Variants in RGS10 observed in about 807,000 individuals in gnomAD.
The protein encoded by RGS10 is regulator of G-protein signalling 10.
A neutral mutation model predicts 23.5 loss-of-function variants in RGS10; 11 were observed. That is an observed-to-expected ratio of 0.47 (90% confidence interval 0.29 to 0.77). RGS10 has a LOEUF of 0.77. RGS10 is among the 30% of genes least tolerant of loss of function. The pLI is 0.08. For missense variants in RGS10, 180 were observed against 226.3 expected (o/e 0.80, Z 1.31); for synonymous variants, 77 against 83.2 (o/e 0.92, Z 0.41).
chr10:119,526,862 T>A (rs1243266955), intron 2 of RGS10, among the ~76,000 whole-genome samples: 1 of 151,954 alleles, frequency 6.6e-6, no homozygotes, highest in African/African-American at 2.4e-5. Context: ...GGATCAACAG[T>A]TCCCCATCCA....
intron 4 of RGS10, among the ~76,000 whole-genome samples, chr10:119,509,567 G>T (rs1844053742): frequency 6.6e-6 from 1 of 152,110 alleles, no homozygotes; most frequent in Non-Finnish European, 1.5e-5. Context: ...CTCCAGCCTG[G>T]GTGACAGAGT....
At chr10:119,501,790 C>CA (rs1366238187) in intron 4 of RGS10, among the ~76,000 whole-genome samples, 5 of 152,094 alleles carry the variant, frequency 3.3e-5, no homozygotes, top group Non-Finnish European at 1.5e-5. Context: ...GGACTCAGAA[C>CA]ATCTGCTTGG....
At chr10:119,508,979 T>C (rs1192834137) in intron 4 of RGS10, among the ~76,000 whole-genome samples, 2 of 151,998 alleles carry the variant, frequency 1.3e-5, no homozygotes, top group African/African-American at 4.8e-5. Context: ...CACATGCCTA[T>C]AGTCCCAGCT....
At chr10:119,509,964 G>A (rs1160945069) in intron 4 of RGS10, among the ~76,000 whole-genome samples, 4 of 144,782 alleles carry the variant, frequency 2.8e-5, no homozygotes. Flanking sequence ...GGGAAGGGGG[G>A]AGAGGGGAGG....
intron 1 of RGS10, among the ~76,000 whole-genome samples, chr10:119,532,754 T>C (rs1844344274): frequency 1.3e-5 from 2 of 151,990 alleles, no homozygotes; most frequent in Admixed American, 1.3e-4. Flanking sequence ...GGCAGGAGAA[T>C]TACTTGAACC....
rs1049254673 is a variant in RGS10 at position 119,517,838 on chromosome 10, T to C, written c.256-2186A>G. ...GTAGGTTCCAGTGACTGCAGGTATATAAGCTTTGAGGGTCTCAGCCCTGCC... is the reference window on the plus strand; with the variant it reads ...GTAGGTTCCAGTGACTGCAGGTATACAAGCTTTGAGGGTCTCAGCCCTGCC... On this transcript the variant is annotated intron_variant, in intron 3 of 4. Transcript: ENST00000369103. This position sits in a 1 kb window ranked among gnomAD's most constrained non-coding sequence, Gnocchi z 5.0. Among the ~76,000 whole-genome samples the C allele has an allele frequency of 6.6e-6, 1 of 152,218 alleles. No homozygotes were observed. Among genetic ancestry groups the C allele is most frequent in the Non-Finnish European group, 1.5e-5 (1 of 68,046 alleles).
chr10:119,525,797 A>G (rs1421173080), intron 3 of RGS10, among the ~76,000 whole-genome samples: 1 of 152,258 alleles, frequency 6.6e-6, no homozygotes, highest in African/African-American at 2.4e-5. Flanking sequence ...TCTAAGTGAC[A>G]TAAATTGTTA....
chr10:119,538,481 G>GA lies in RGS10; in HGVS notation c.49+4108dup, dbSNP rs1844409458. On this transcript the variant is annotated intron_variant, in intron 1 of 4. Transcript: ENST00000369103. The surrounding 1 kb of genome is among the most constrained non-coding windows in gnomAD (Gnocchi z 4.5). Reference sequence around the variant, plus strand: ...TGGAGCAGGGGGACCCAGGCTTTGGGACAGGACAAAGGACAGCTGGGGGAG... The same window carrying GA: ...TGGAGCAGGGGGACCCAGGCTTTGGGAACAGGACAAAGGACAGCTGGGGGAG... Among the ~76,000 whole-genome samples, 1 of 152,182 alleles carries GA rather than the reference G, an allele frequency of 6.6e-6. No individual in the cohort carries two copies. Among genetic ancestry groups the GA allele is most frequent in the Admixed American group, 6.6e-5 (1 of 15,266 alleles).
At chr10:119,541,171 T>G (rs1844431920) in intron 1 of RGS10, among the ~76,000 whole-genome samples, 1 of 151,950 alleles carries the variant, frequency 6.6e-6, no homozygotes, top group African/African-American at 2.4e-5. Context: ...AATGACAGAG[T>G]CAAGGTTAGA....
chr10:119,502,210 G>A (rs1363692573), intron 4 of RGS10, among the ~76,000 whole-genome samples: 2 of 151,938 alleles, frequency 1.3e-5, no homozygotes, highest in Admixed American at 1.3e-4. Context: ...GATGAGAAAC[G>A]CCATTACTCC....
chr10:119,511,914 T>C (rs960901901), intron 4 of RGS10, among the ~76,000 whole-genome samples: 2 of 152,126 alleles, frequency 1.3e-5, no homozygotes, highest in African/African-American at 4.8e-5. Context: ...ACTTCAAATC[T>C]GCTATGAATG....
At chr10:119,501,992 C>T (rs184940331) in intron 4 of RGS10, among the ~76,000 whole-genome samples, 9 of 152,200 alleles carry the variant, frequency 5.9e-5, no homozygotes, top group African/African-American at 2.2e-4. Flanking sequence ...CCCTGGTGCC[C>T]TTCTAGTCTT....
intron 4 of RGS10, among the ~76,000 whole-genome samples, chr10:119,507,136 C>A (rs1844023088): frequency 6.6e-6 from 1 of 152,182 alleles, no homozygotes; most frequent in East Asian, 1.9e-4. Flanking sequence ...AAAAACCACA[C>A]CTGCCCTTTC....
chr10:119,501,483 G>A (rs1056733830), intron 4 of RGS10, among the ~76,000 whole-genome samples: 1 of 152,204 alleles, frequency 6.6e-6, no homozygotes, highest in South Asian at 2.1e-4. Flanking sequence ...AGCACTTTGG[G>A]AGGTGGAGGC....
rs1017136028 is a variant in RGS10, at chr10:119,517,296, C to A, written c.256-1644G>T. On this transcript the variant is annotated intron_variant, in intron 3 of 4. Coordinates refer to ENST00000369103, the MANE Select transcript of RGS10 (RefSeq NM_001005339.2). The surrounding 1 kb of genome is among the most constrained non-coding windows in gnomAD (Gnocchi z 5.0). ...GGAGACGGCCCAGGTTGGGTGAACA[C>A]CGAAAGCCATGCTGTCCACCCTGTC... 1.3e-5 allele frequency among the ~76,000 whole-genome samples: 2 copies of A among 152,124 alleles called. No homozygotes were observed. Among genetic ancestry groups the A allele is most frequent in the African/African-American group, 4.8e-5 (2 of 41,436 alleles).
chr10:119,503,339 CA>C (rs550253387), intron 4 of RGS10, among the ~76,000 whole-genome samples: 3,437 of 103,386 alleles, frequency 0.033, 90 homozygotes, highest in African/African-American at 0.1. Context: ...GACCCTGTCT[CA>C]AAAAAAAAAA....
At chr10:119,528,292 A>G (rs1218528817) in intron 1 of RGS10, among the ~76,000 whole-genome samples, 2 of 152,036 alleles carry the variant, frequency 1.3e-5, no homozygotes, top group African/African-American at 4.8e-5. Flanking sequence ...CGGCCTCCCA[A>G]AGTGCTGGGA....
At chr10:119,523,063 G>A in intron 3 of RGS10, among the ~76,000 whole-genome samples, 1 of 150,570 alleles carries the variant, frequency 6.6e-6, no homozygotes, top group East Asian at 2.0e-4. Flanking sequence ...ATGTTGCTCA[G>A]ACTGGTCTTG....
At chr10:119,511,412 A>G (rs1239801388) in intron 4 of RGS10, among the ~76,000 whole-genome samples, 1 of 152,180 alleles carries the variant, frequency 6.6e-6, no homozygotes, top group East Asian at 1.9e-4. Flanking sequence ...TGAGGCCAGG[A>G]GTTTGAGACC....
Sources: gnomAD v4.1 joint callset for allele counts (sites outside exome capture counted in the v4.1 genomes callset) on GRCh38, gnomAD v4.1.1 for gene constraint, Gnocchi (gnomAD v3.1) non-coding constraint, MANE v1.5 for transcripts, NCBI Gene and HGNC (gene_info 2026-07-23, HGNC 2026-07-21) for gene names.